The following DOCK3 variants were observed in gnomAD, a reference collection of about 807,000 sequenced individuals.
DOCK3 encodes the protein dedicator of cytokinesis 3, also known as dedicator of cytokinesis protein 3.
Under a neutral mutation model 265.6 loss-of-function variants are expected in DOCK3, and 60 were observed. The ratio of observed to expected loss-of-function variants is 0.23; its 90% CI spans 0.18 to 0.28. The LOEUF (loss-of-function observed/expected upper bound fraction) is 0.28. Ranked by LOEUF, DOCK3 falls within the 10% of genes least tolerant of loss-of-function variation. The pLI is 1.00. For synonymous variants in DOCK3, 881 were observed against 938.0 expected (o/e 0.94, Z 1.11); for missense variants, 1,981 against 2,594.3 (o/e 0.76, Z 5.14).
At chr3:51,335,864 C>A (rs573353999) in intron 35 of DOCK3, among the ~76,000 whole-genome samples, 3 of 152,034 alleles carry the variant, frequency 2.0e-5, no homozygotes, top group South Asian at 4.2e-4. Flanking sequence ...TGGTGACATG[C>A]ACCTGTGGTC....
intron 27 of DOCK3, among the ~76,000 whole-genome samples, chr3:51,306,481 T>C (rs1478684165): frequency 6.6e-6 from 1 of 152,182 alleles, no homozygotes; most frequent in Non-Finnish European, 1.5e-5. Context: ...TTTTTGCCCA[T>C]TATTTCTTCC....
chr3:51,160,509 G>T, intron 11 of DOCK3, 46 bp from the exon 12 acceptor site: 2 of 1,562,522 alleles, frequency 1.3e-6, no homozygotes, highest in Non-Finnish European at 1.7e-6. Context: ...TACTGGAGAG[G>T]AGCATGCTTT....
intron 31 of DOCK3, among the ~76,000 whole-genome samples, chr3:51,314,651 C>A (rs1015093677): frequency 5.9e-5 from 9 of 152,228 alleles, no homozygotes; most frequent in Admixed American, 2.0e-4. Flanking sequence ...ATCTGACACT[C>A]ATAGGTTACT....
chr3:51,185,957 G>A (rs1393317326), intron 12 of DOCK3, among the ~76,000 whole-genome samples: 1 of 152,148 alleles, frequency 6.6e-6, no homozygotes, highest in East Asian at 1.9e-4. Flanking sequence ...GTCTTTGTCA[G>A]CAGTGTGAAA....
rs890826142 is a variant in DOCK3 at position 50,947,178 on chromosome 3, A to C, written c.315+13101A>C. On this transcript the variant is annotated intron_variant, in intron 5 of 52. Coordinates refer to ENST00000266037, the MANE Select transcript of DOCK3 (RefSeq NM_004947.5). ...TGTATTGAAATAGAAATTGATTCTC[A>C]AATTATTTATATAAATATATGTTTT... Among the ~76,000 whole-genome samples the C allele has an allele frequency of 3.3e-5, 5 of 152,236 alleles. No homozygotes were observed. The South Asian group carries it at 1.0e-3, about 32-fold the overall frequency.
chr3:51,264,829 A>AAAAAAAATAAAT (rs371752873), intron 23 of DOCK3, among the ~76,000 whole-genome samples: 3 of 142,160 alleles, frequency 2.1e-5, no homozygotes, highest in East Asian at 4.0e-4. Context: ...TCAGTCTCAA[A>AAAAAAAATAAAT]AAATAAATAA....
At chr3:50,977,744 A>C (rs1317647774) in intron 5 of DOCK3, among the ~76,000 whole-genome samples, 3 of 152,084 alleles carry the variant, frequency 2.0e-5, no homozygotes, top group South Asian at 4.1e-4. Context: ...AGTGTTTTCC[A>C]ACTTGGTTCC....
chr3:51,378,828 T>C (rs2088353488), intron 51 of DOCK3, among the ~76,000 whole-genome samples: 1 of 152,206 alleles, frequency 6.6e-6, no homozygotes, highest in Non-Finnish European at 1.5e-5. Context: ...AGAAGGGCAC[T>C]CTGTGCTTCC....
At chr3:51,255,585 T>G (rs1383614985) in intron 22 of DOCK3, among the ~76,000 whole-genome samples, 1 of 152,260 alleles carries the variant, frequency 6.6e-6, no homozygotes, top group East Asian at 1.9e-4. Flanking sequence ...CTTTTTTCTC[T>G]AAACTTCTCA....
intron 9 of DOCK3, among the ~76,000 whole-genome samples, chr3:51,111,159 C>T (rs2083499198): frequency 6.6e-6 from 1 of 152,122 alleles, no homozygotes; most frequent in Non-Finnish European, 1.5e-5. Context: ...AATTACAAAA[C>T]ACTGTTCAGA....
At chr3:51,051,537 T>A (rs948223163) in intron 5 of DOCK3, among the ~76,000 whole-genome samples, 4 of 152,188 alleles carry the variant, frequency 2.6e-5, no homozygotes, top group African/African-American at 9.7e-5. Context: ...TTCTTTTTTC[T>A]TTTTGTAAAG....
chr3:50,898,328 C>T (rs2048992768), intron 4 of DOCK3, among the ~76,000 whole-genome samples: 1 of 152,098 alleles, frequency 6.6e-6, no homozygotes, highest in African/African-American at 2.4e-5. Context: ...GGGGATATCC[C>T]CTTTATCACA....
chr3:50,963,348 TA>T (rs1200378381), intron 5 of DOCK3, among the ~76,000 whole-genome samples: 3 of 152,214 alleles, frequency 2.0e-5, no homozygotes, highest in Non-Finnish European at 4.4e-5. Flanking sequence ...TTACTTCTAG[TA>T]AATATGACAG....
At chr3:51,296,878 G>A (rs1255252947) in intron 27 of DOCK3, among the ~76,000 whole-genome samples, 1 of 151,982 alleles carries the variant, frequency 6.6e-6, no homozygotes, top group South Asian at 2.1e-4. Flanking sequence ...CAGCACTTTG[G>A]GCGTCTGAGG....
chr3:51,236,247 C>CT, intron 19 of DOCK3, 98 bp from the exon 20 acceptor site: 4 of 924,372 alleles, frequency 4.3e-6, no homozygotes, highest in South Asian at 4.2e-5. Context: ...CCTAAGAGAT[C>CT]TTTCACTTTT....
intron 3 of DOCK3, among the ~76,000 whole-genome samples, chr3:50,852,064 T>G (rs1431256992): frequency 6.6e-6 from 1 of 152,178 alleles, no homozygotes; most frequent in Non-Finnish European, 1.5e-5. Context: ...AGATCCCCAG[T>G]GGAAAGGTAA....
chr3:50,941,536 T>G (rs908118565), intron 5 of DOCK3, among the ~76,000 whole-genome samples: 2 of 152,078 alleles, frequency 1.3e-5, no homozygotes, highest in African/African-American at 2.4e-5. Flanking sequence ...ATACTTAATA[T>G]ATGACCCAGC....
chr3:50,909,660 T>C (rs1404596177), intron 4 of DOCK3, among the ~76,000 whole-genome samples: 1 of 146,886 alleles, frequency 6.8e-6, no homozygotes, highest in Admixed American at 6.9e-5. Context: ...TTTTTTTTTT[T>C]CATTTTGACC....
At chr3:51,332,465 A>C (rs2084587767) in intron 33 of DOCK3, among the ~76,000 whole-genome samples, 1 of 152,212 alleles carries the variant, frequency 6.6e-6, no homozygotes, top group Admixed American at 6.5e-5. Context: ...AGGATGGCCA[A>C]GTATAGCTCC....
Sources: gnomAD v4.1 joint callset for allele counts (sites outside exome capture counted in the v4.1 genomes callset) on GRCh38, gnomAD v4.1.1 for gene constraint, MANE v1.5 for transcripts, NCBI Gene and HGNC (gene_info 2026-07-23, HGNC 2026-07-21) for gene names.